RASSF6: variants seen among roughly 807,000 people sequenced by gnomAD.
RASSF6 encodes the protein ras association domain-containing protein 6.
Under a neutral mutation model 44.0 loss-of-function variants are expected in RASSF6, and 52 were observed. That is an observed-to-expected ratio of 1.18 (90% confidence interval 0.95 to 1.49). The LOEUF (loss-of-function observed/expected upper bound fraction) is 1.49, where lower values mean the gene tolerates loss of function less well. Among genes scored for constraint, RASSF6 ranks in the 40% most tolerant of loss-of-function variants. The probability of loss-of-function intolerance (pLI) is 0.00; values close to 1 mark genes in which losing one functional copy is unlikely to be tolerated. For missense variants in RASSF6, 464 were observed against 393.3 expected (o/e 1.18, Z -1.52); for synonymous variants, 162 against 124.6 (o/e 1.30, Z -2.00).
Position 73,585,295 on chromosome 4 carries a change from T to C in RASSF6, c.452A>G (p.Tyr151Cys), listed in dbSNP as rs1723998366. 8.1e-6 allele frequency: 13 copies of C among 1,612,742 alleles called. No homozygotes were observed. The highest frequency in any genetic ancestry group is 2.2e-5 in the East Asian group (1 of 44,864). ...CAGAGCTGCTTCACTCATGGTTCTA[T>C]AGAGCACTGGGGAGTCTGGTTCATC... Reference protein sequence around the residue: ...AKDEPDSPVLYRTMSEAALVR... With the variant: ...AKDEPDSPVLCRTMSEAALVR... The change falls in exon 6 of 11, where the codon TAT becomes TGT. Residue 151 changes from tyrosine (Y) to cysteine (C), a missense_variant. Physicochemically the swap from Tyr to Cys is radical, Grantham distance 194. Transcript: ENST00000307439.
At chr4:73,606,795 C>T (rs564075358) in intron 2 of RASSF6, among the ~76,000 whole-genome samples, 1 of 152,264 alleles carries the variant, frequency 6.6e-6, no homozygotes, top group Non-Finnish European at 1.5e-5. Context: ...AGTAACTTGA[C>T]TTCACACTCT....
At chr4:73,585,493 C>T (rs1457922158) in intron 5 of RASSF6, 129 bp from the exon 6 acceptor site, 4 of 551,528 alleles carry the variant, frequency 7.3e-6, no homozygotes, top group East Asian at 6.2e-5. Context: ...GCATTATAGT[C>T]CACTGCTTAG....
intron 4 of RASSF6, 140 bp downstream of exon 4, chr4:73,593,311 C>T (rs1020087603): frequency 1.6e-5 from 14 of 854,230 alleles, no homozygotes; most frequent in Middle Eastern, 3.4e-4. Flanking sequence ...CCACCGTGCC[C>T]GGCCATTGCT....
intron 6 of RASSF6, among the ~76,000 whole-genome samples, chr4:73,584,836 G>A (rs774462695): frequency 1.3e-5 from 2 of 152,158 alleles, no homozygotes; most frequent in Non-Finnish European, 2.9e-5. Flanking sequence ...CTTGTGTTCT[G>A]GAGTCAGACA....
At chr4:73,596,615 GA>G (rs1468095047) in intron 3 of RASSF6, among the ~76,000 whole-genome samples, 1 of 152,092 alleles carries the variant, frequency 6.6e-6, no homozygotes, top group African/African-American at 2.4e-5. Context: ...CACAGAAATA[GA>G]AAAAACTATT....
At position 73,571,566 on chromosome 4, in the gene RASSF6, T is replaced by G. The variant is rs1248214100; in HGVS notation, c.*4669A>C. ...AAAAACATATATATATATATAATGT[T>G]TAATATTTTTTCAGCTATGGGACCA... On this transcript the variant is annotated 3_prime_UTR_variant, in exon 11 of 11. Transcript: ENST00000307439. 6.6e-6 allele frequency: 1 copy of G among 151,848 alleles called. No homozygotes were observed. Among genetic ancestry groups the G allele is most frequent in the Non-Finnish European group, 1.5e-5 (1 of 67,974 alleles). 9.4% of individuals were successfully genotyped at this position (151,848 alleles called of 1,614,324 possible). A position where few individuals can be genotyped will look rare whatever the true frequency, so the allele number is the denominator to read the frequency against.
chr4:73,598,803 AT>A (rs1285743917), intron 2 of RASSF6, 85 bp from the exon 3 acceptor site: 1 of 571,006 alleles, frequency 1.8e-6, no homozygotes, highest in African/African-American at 2.0e-5. Context: ...AAGGTATGAG[AT>A]AGAAAGAAAT....
chr4:73,586,497 C>T (rs1480775439), intron 5 of RASSF6, among the ~76,000 whole-genome samples: 3 of 151,804 alleles, frequency 2.0e-5, no homozygotes, highest in Admixed American at 2.0e-4. Context: ...CTGCCTTCTG[C>T]CCCCCTTTCT....
At chr4:73,598,143 G>A (rs1725058012) in intron 3 of RASSF6, among the ~76,000 whole-genome samples, 1 of 152,046 alleles carries the variant, frequency 6.6e-6, no homozygotes, top group African/African-American at 2.4e-5. Flanking sequence ...TCTAGCTTCA[G>A]GACTTTCCTG....
chr4:73,601,131 A>C (rs903230126), intron 2 of RASSF6, among the ~76,000 whole-genome samples: 2 of 152,216 alleles, frequency 1.3e-5, no homozygotes, highest in African/African-American at 4.8e-5. Context: ...CAGCCTTTAA[A>C]GTGTTTACTT....
intron 1 of RASSF6, among the ~76,000 whole-genome samples, chr4:73,618,300 G>A (rs1002077596): frequency 0.031 from 110 of 3,566 alleles, 1 homozygote; most frequent in Non-Finnish European, 0.091. Flanking sequence ...ATATAAAGTT[G>A]TTATCTATCT....
At chr4:73,604,573 TCAG>T (rs1279124168) in intron 2 of RASSF6, 2 of 152,176 alleles carry the variant, frequency 1.3e-5, no homozygotes, top group Non-Finnish European at 2.9e-5. Context: ...GAAACAGACT[TCAG>T]CAGGTGAAAA....
At chr4:73,579,090 C>A (rs1180498288) in intron 8 of RASSF6, among the ~76,000 whole-genome samples, 1 of 152,266 alleles carries the variant, frequency 6.6e-6, no homozygotes, top group African/African-American at 2.4e-5. Flanking sequence ...TACCTTTAGG[C>A]ATCTTGCATT....
chr4:73,581,856 G>C lies in RASSF6; in HGVS notation c.682C>G (p.Pro228Ala). 1 of 1,609,438 alleles carries C rather than the reference G, an allele frequency of 6.2e-7. No individual in the cohort carries two copies. Among genetic ancestry groups the C allele is most frequent in the South Asian group, 1.1e-5 (1 of 90,708 alleles). Residue 228 changes from proline (P) to alanine (A), a missense_variant, in exon 8 of 11, where the codon CCC becomes GCC. Pro to Ala is a conservative substitution (Grantham distance 27). Transcript: ENST00000307439. Reference protein sequence around the residue: ...LLQKFKIENSPQDFALHIIFA... With the variant: ...LLQKFKIENSAQDFALHIIFA... ...ATAATGTGAAGAGCAAAATCCTGGG[G>C]ACTATTTTCAATCTGTCAAGGGAAA...
At chr4:73,590,094 T>C (rs1724420748) in intron 4 of RASSF6, among the ~76,000 whole-genome samples, 1 of 152,256 alleles carries the variant, frequency 6.6e-6, no homozygotes, top group Non-Finnish European at 1.5e-5. Flanking sequence ...TCTTTTGTTA[T>C]GAAAGATTTC....
Position 73,574,953 on chromosome 4 carries a change from A to T in RASSF6, c.*1282T>A, listed in dbSNP as rs1417964163. On this transcript the variant is annotated 3_prime_UTR_variant, in exon 11 of 11. Transcript: ENST00000307439. ...TTTCTTATTAATATTGACAGGTGAA[A>T]GAATAGCGATGCAAGCCTCTGGTTT... 6.6e-6 allele frequency: 1 copy of T among 152,184 alleles called. No individual in the cohort carries two copies. The highest frequency in any genetic ancestry group is 1.5e-5 in the Non-Finnish European group (1 of 68,030). 9.4% of individuals were successfully genotyped at this position (152,184 alleles called of 1,614,324 possible). A position where few individuals can be genotyped will look rare whatever the true frequency, so the allele number is the denominator to read the frequency against.
intron 8 of RASSF6, among the ~76,000 whole-genome samples, chr4:73,580,052 G>A (rs1480629946): frequency 4.6e-5 from 6 of 131,482 alleles, no homozygotes; most frequent in African/African-American, 1.5e-4. Flanking sequence ...TCCCCAGAGT[G>A]TGATGTTCCC....
chr4:73,588,007 A>AGTATTACT, intron 4 of RASSF6, 73 bp from the exon 5 acceptor site: 2 of 955,134 alleles, frequency 2.1e-6, no homozygotes, highest in Non-Finnish European at 3.4e-6. Flanking sequence ...CCAGATTTAC[A>AGTATTACT]ATATTAATAT....
chr4:73,613,398 C>G lies in RASSF6; in HGVS notation c.-34-1569G>C, dbSNP rs942608912. ...ACTTATTCACAGGATTTGGTCTGGG[C>G]AACTTGGTTATACAGGTTACACAGG... is the stretch of plus-strand genomic sequence containing the variant. On this transcript the variant is annotated intron_variant, in intron 1 of 10. Transcript: ENST00000307439. Among the ~76,000 whole-genome samples the G allele has an allele frequency of 5.7e-4, 86 of 152,168 alleles. 3 individuals carry two copies. The highest frequency in any genetic ancestry group is 5.9e-5 in the Non-Finnish European group (4 of 68,026).
Sources: gnomAD v4.1 joint callset for allele counts (sites outside exome capture counted in the v4.1 genomes callset) on GRCh38, gnomAD v4.1.1 for gene constraint, MANE v1.5 for transcripts, NCBI Gene and HGNC (gene_info 2026-07-23, HGNC 2026-07-21) for gene names.